RNF220: variants seen among roughly 807,000 people sequenced by gnomAD.
RNF220 encodes ring finger protein 220, also known as E3 ubiquitin-protein ligase RNF220.
Under a neutral mutation model 67.1 loss-of-function variants are expected in RNF220, and 7 were observed. That is an observed-to-expected ratio of 0.10 (90% CI 0.06 to 0.20). RNF220 has a LOEUF of 0.20. RNF220 is among the 10% of genes least tolerant of loss of function. The probability of loss-of-function intolerance (pLI) is 1.00; values close to 1 mark genes in which losing one functional copy is unlikely to be tolerated. For missense variants in RNF220, 565 were observed against 740.3 expected, an observed-to-expected ratio of 0.76 and a Z score of 2.75; for synonymous variants, 270 against 283.2, an observed-to-expected ratio of 0.95 and a Z score of 0.47.
At chr1:44,511,916 C>CGT (rs71728249) in intron 2 of RNF220, among the ~76,000 whole-genome samples, 9,630 of 147,736 alleles carry the variant, frequency 0.065, 405 homozygotes, top group African/African-American at 0.13. Context: ...CGTGTGTGTG[C>CGT]GTGTGTGTGT....
chr1:44,426,808 G>T (rs4261151), intron 2 of RNF220, among the ~76,000 whole-genome samples: 147,021 of 152,080 alleles, frequency 0.97, 71,265 homozygotes, highest in East Asian at 1. Flanking sequence ...TAATAGACCA[G>T]TAACAAGCAG....
chr1:44,448,554 A>G (rs1369035987), intron 2 of RNF220, among the ~76,000 whole-genome samples: 1 of 152,192 alleles, frequency 6.6e-6, no homozygotes, highest in Non-Finnish European at 1.5e-5. Context: ...GAAAAATCTT[A>G]TTTGGTTTGA....
At chr1:44,614,899 G>A (rs1643479638) in intron 3 of RNF220, among the ~76,000 whole-genome samples, 1 of 152,176 alleles carries the variant, frequency 6.6e-6, no homozygotes, top group South Asian at 2.1e-4. Flanking sequence ...TAAAATCTTA[G>A]CAGTTTAAAG....
intron 2 of RNF220, among the ~76,000 whole-genome samples, chr1:44,605,307 A>AG (rs1667195335): frequency 6.9e-6 from 1 of 143,908 alleles, no homozygotes; most frequent in East Asian, 1.9e-4. Flanking sequence ...AAAAAAAAAA[A>AG]AAAAAGAAAA....
intron 2 of RNF220, among the ~76,000 whole-genome samples, chr1:44,498,602 C>T (rs1319924214): frequency 6.6e-6 from 1 of 152,146 alleles, no homozygotes; most frequent in African/African-American, 2.4e-5. Context: ...GTTGTGCAGC[C>T]GTGGTTGAGA....
intron 2 of RNF220, among the ~76,000 whole-genome samples, chr1:44,531,900 T>C (rs1393705194): frequency 2.6e-5 from 4 of 152,188 alleles, no homozygotes; most frequent in African/African-American, 9.7e-5. Flanking sequence ...CTGTTCTTGG[T>C]TTGGCTCATA....
intron 2 of RNF220, among the ~76,000 whole-genome samples, chr1:44,539,094 A>C (rs967170598): frequency 6.6e-6 from 1 of 151,798 alleles, no homozygotes; most frequent in African/African-American, 2.4e-5. Context: ...GGTTGTGGGC[A>C]CCTGTAATCC....
Position 44,649,912 on chromosome 1 carries a change from C to G in RNF220, c.1584C>G (p.Ile528Met), listed in dbSNP as rs1247582456. 2.5e-6 allele frequency: 4 copies of G among 1,614,072 alleles called. No homozygotes were observed. The highest frequency in any genetic ancestry group is 3.4e-6 in the Non-Finnish European group (4 of 1,179,978). The part of the protein sequence containing the change: ...MDSYSMPLTS[I>M]QCWHVHCEEC... ...CGTACTCGATGCCCCTAACGTCCAT[C>G]CAGTGTTGGCACGTGCACTGCGAGG... The change falls in exon 14 of 15, where the codon ATC becomes ATG. Residue 528 changes from isoleucine (I) to methionine (M), a missense_variant. Physicochemically the swap from Ile to Met is conservative, Grantham distance 10 (BLOSUM62 1). Coordinates refer to ENST00000361799, the MANE Select transcript of RNF220 (RefSeq NM_018150.4). This position sits in a 1 kb window ranked among gnomAD's most constrained non-coding sequence, Gnocchi z 5.9.
chr1:44,596,899 AG>A (rs1666537760), intron 2 of RNF220, among the ~76,000 whole-genome samples: 1 of 152,280 alleles, frequency 6.6e-6, no homozygotes, highest in Non-Finnish European at 1.5e-5. Flanking sequence ...AGTGGTGATT[AG>A]TTAAAACATC....
intron 4 of RNF220, among the ~76,000 whole-genome samples, chr1:44,625,955 C>A (rs1643927255): frequency 6.6e-6 from 1 of 152,118 alleles, no homozygotes; most frequent in Admixed American, 6.5e-5. Context: ...ACCCACAACC[C>A]TTCATGGGGA....
intron 2 of RNF220, among the ~76,000 whole-genome samples, chr1:44,480,841 G>GT (rs1196148543): frequency 6.6e-6 from 1 of 152,092 alleles, no homozygotes; most frequent in Non-Finnish European, 1.5e-5. Flanking sequence ...AGCTGAGATT[G>GT]TAACACTGCA....
chr1:44,448,502 T>G (rs1652334981), intron 2 of RNF220, among the ~76,000 whole-genome samples: 1 of 152,208 alleles, frequency 6.6e-6, no homozygotes, highest in African/African-American at 2.4e-5. Flanking sequence ...TGCTCCAAGC[T>G]GCAACTTTCT....
chr1:44,567,485 C>G (rs961169950), intron 2 of RNF220, among the ~76,000 whole-genome samples: 1 of 151,958 alleles, frequency 6.6e-6, no homozygotes, highest in Non-Finnish European at 1.5e-5. Flanking sequence ...TGAGAAGCCC[C>G]GTGAATGACA....
At chr1:44,522,557 G>A (rs1660023359) in intron 2 of RNF220, among the ~76,000 whole-genome samples, 1 of 152,166 alleles carries the variant, frequency 6.6e-6, no homozygotes, top group Non-Finnish European at 1.5e-5. Context: ...TGAGGTGGGT[G>A]GACAATAGTT....
At chr1:44,524,254 G>A (rs891721609) in intron 2 of RNF220, among the ~76,000 whole-genome samples, 3 of 152,056 alleles carry the variant, frequency 2.0e-5, no homozygotes, top group Non-Finnish European at 2.9e-5. Flanking sequence ...AACTGCCGCC[G>A]CCACCGCCTC....
chr1:44,459,307 T>A (rs1653521245), intron 2 of RNF220, among the ~76,000 whole-genome samples: 1 of 152,170 alleles, frequency 6.6e-6, no homozygotes, highest in Non-Finnish European at 1.5e-5. Context: ...CGCTTCCATT[T>A]CTTCCCAACC....
intron 2 of RNF220, among the ~76,000 whole-genome samples, chr1:44,474,378 A>AAATAAT (rs61147848): frequency 9.4e-4 from 129 of 137,672 alleles, no homozygotes; most frequent in Middle Eastern, 7.2e-3. Context: ...CTGTCTCCAA[A>AAATAAT]AATAATAATA....
Position 44,645,297 on chromosome 1 carries a change from G to A in RNF220, c.1366+21G>A, listed in dbSNP as rs951310850. The A allele has an allele frequency of 1.9e-6, 3 of 1,614,074 alleles. No individual in the cohort carries two copies. Among genetic ancestry groups the A allele is most frequent in the Non-Finnish European group, 2.5e-6 (3 of 1,179,966 alleles). ...TGATGGTAAGTCCTGCCCCAGGTTA[G>A]GAGTAATGGGGGAGAGGGGGTATCC... On this transcript the variant is annotated intron_variant, in intron 11 of 14. Coordinates refer to ENST00000361799, the MANE Select transcript of RNF220 (RefSeq NM_018150.4). This position sits in a 1 kb window ranked among gnomAD's most constrained non-coding sequence, Gnocchi z 5.0.
Position 44,405,261 on chromosome 1 carries a change from T to C in RNF220, c.-387T>C, listed in dbSNP as rs1210686274. The C allele has an allele frequency of 3.6e-5, 14 of 391,448 alleles. No homozygotes were observed. Among genetic ancestry groups the C allele is most frequent in the Non-Finnish European group, 6.4e-5 (14 of 218,966 alleles). 24.2% of individuals were successfully genotyped at this position (391,448 alleles called of 1,614,324 possible). On this transcript the variant is annotated 5_prime_UTR_variant, in exon 1 of 15. Transcript: ENST00000361799. ...CCTGGGAGAGTGGAGGCTCATTCAC[T>C]GATTAGATCCAGCGCTGAGAGGCAG... is the stretch of plus-strand genomic sequence containing the variant.
Sources: gnomAD v4.1 joint callset for allele counts (sites outside exome capture counted in the v4.1 genomes callset) on GRCh38, gnomAD v4.1.1 for gene constraint, Gnocchi (gnomAD v3.1) non-coding constraint, MANE v1.5 for transcripts, NCBI Gene and HGNC (gene_info 2026-07-23, HGNC 2026-07-21) for gene names.